The following CSMD1 variants were observed in gnomAD, a reference collection of about 807,000 sequenced individuals.
CSMD1 encodes CUB and sushi domain-containing protein 1.
CSMD1 carries 213 observed loss-of-function variants against 417.5 expected under a neutral mutation model. That is an observed-to-expected ratio of 0.51 (90% confidence interval 0.46 to 0.57). The LOEUF (loss-of-function observed/expected upper bound fraction) is 0.57. Ranked by LOEUF, CSMD1 falls within the 20% of genes least tolerant of loss-of-function variation. The probability of loss-of-function intolerance (pLI) is 0.00; values close to 1 mark genes in which losing one functional copy is unlikely to be tolerated. For synonymous variants in CSMD1, 2,862 were observed against 1,736.8 expected (o/e 1.65, Z -16.11); for missense variants, 6,923 against 4,529.7 (o/e 1.53, Z -15.17).
chr8:4,396,857 A>G (rs1804261333), intron 3 of CSMD1, among the ~76,000 whole-genome samples: 1 of 152,104 alleles, frequency 6.6e-6, no homozygotes, highest in Non-Finnish European at 1.5e-5. Flanking sequence ...TAAGAATGAT[A>G]CAACAACTTT....
intron 8 of CSMD1, among the ~76,000 whole-genome samples, chr8:3,602,197 T>A (rs1801396158): frequency 6.6e-6 from 1 of 152,204 alleles, no homozygotes; most frequent in Admixed American, 6.5e-5. Context: ...AAAATCTTCA[T>A]GACTGGTCCA....
chr8:3,190,413 G>A (rs557570421), intron 33 of CSMD1, among the ~76,000 whole-genome samples: 6 of 152,142 alleles, frequency 3.9e-5, no homozygotes, highest in African/African-American at 1.4e-4. Flanking sequence ...TGAGGAAAAC[G>A]GCATAAAAAG....
chr8:4,170,996 A>C (rs1168371791), intron 3 of CSMD1, among the ~76,000 whole-genome samples: 1 of 151,902 alleles, frequency 6.6e-6, no homozygotes, highest in African/African-American at 2.4e-5. Context: ...GTAAGTTCAC[A>C]CCTTCAGCAT....
At chr8:4,049,103 C>G (rs146171745) in intron 3 of CSMD1, among the ~76,000 whole-genome samples, 1 of 152,136 alleles carries the variant, frequency 6.6e-6, no homozygotes, top group Admixed American at 6.5e-5. Flanking sequence ...CTATCCTGCT[C>G]TCTCCACATT....
intron 1 of CSMD1, among the ~76,000 whole-genome samples, chr8:4,852,208 G>A (rs968482178): frequency 3.9e-5 from 6 of 152,150 alleles, no homozygotes; most frequent in Admixed American, 3.3e-4. Flanking sequence ...TATATGGTTT[G>A]GATATTTGTT....
intron 23 of CSMD1, among the ~76,000 whole-genome samples, chr8:3,329,169 C>A (rs943833193): frequency 6.6e-6 from 1 of 152,066 alleles, no homozygotes; most frequent in Non-Finnish European, 1.5e-5. Flanking sequence ...CCATAGCACT[C>A]AAGAGGGCAT....
intron 4 of CSMD1, among the ~76,000 whole-genome samples, chr8:4,025,693 T>C (rs1315348357): frequency 1.3e-5 from 2 of 152,132 alleles, no homozygotes; most frequent in Non-Finnish European, 2.9e-5. Flanking sequence ...GAATAACGAA[T>C]AGTTGAAAGA....
At chr8:3,914,677 G>C (rs913123191) in intron 5 of CSMD1, among the ~76,000 whole-genome samples, 6 of 152,106 alleles carry the variant, frequency 3.9e-5, no homozygotes, top group African/African-American at 1.4e-4. Flanking sequence ...CATTAAGTCA[G>C]CTTGGTTGTC....
At chr8:4,912,135 A>AAAAAGAAAAAAG (rs1554518067) in intron 1 of CSMD1, among the ~76,000 whole-genome samples, 1,971 of 115,686 alleles carry the variant, frequency 0.017, 77 homozygotes, top group African/African-American at 0.055. Context: ...AAAAAAAAAA[A>AAAAAGAAAAAAG]AAAAAAGAAA....
Position 3,214,703 on chromosome 8 carries a change from A to G in CSMD1, c.4673-12T>C, listed in dbSNP as rs768122622. On this transcript the variant is annotated splice_polypyrimidine_tract_variant and intron_variant, in intron 29 of 69. Coordinates refer to ENST00000635120, the MANE Select transcript of CSMD1 (RefSeq NM_033225.6). ...TTCCCGTGGTTTCTCTGTGGAAGAA[A>G]TGAATGTAAACTGCATGAGAGCAGG... 3.2e-6 allele frequency: 5 copies of G among 1,545,560 alleles called. No homozygotes were observed. Among genetic ancestry groups the G allele is most frequent in the Non-Finnish European group, 4.4e-6 (5 of 1,143,352 alleles).
intron 54 of CSMD1, among the ~76,000 whole-genome samples, chr8:2,984,265 C>T (rs557412379): frequency 3.3e-5 from 5 of 152,158 alleles, no homozygotes; most frequent in Non-Finnish European, 5.9e-5. Flanking sequence ...GACTGGGAGC[C>T]GAGCAAACGC....
chr8:3,190,476 C>A (rs1796348896), intron 33 of CSMD1, among the ~76,000 whole-genome samples: 1 of 152,138 alleles, frequency 6.6e-6, no homozygotes, highest in African/African-American at 2.4e-5. Flanking sequence ...ATTTAATCAT[C>A]CTGCTAGTGA....
At chr8:4,036,838 C>A (rs1797642695) in intron 3 of CSMD1, among the ~76,000 whole-genome samples, 2 of 152,340 alleles carry the variant, frequency 1.3e-5, no homozygotes, top group Non-Finnish European at 2.9e-5. Context: ...AGGGCCACCA[C>A]CTGTTCTTAC....
At chr8:3,469,962 T>A (rs952558782) in intron 11 of CSMD1, among the ~76,000 whole-genome samples, 3 of 152,218 alleles carry the variant, frequency 2.0e-5, no homozygotes, top group Non-Finnish European at 2.9e-5. Flanking sequence ...AAGAGAGATT[T>A]TTTTCTTTCT....
intron 3 of CSMD1, among the ~76,000 whole-genome samples, chr8:4,309,004 G>GA (rs1253846322): frequency 6.6e-6 from 1 of 152,120 alleles, no homozygotes; most frequent in African/African-American, 2.4e-5. Context: ...AACTAGGTGA[G>GA]AAAATGCATA....
At chr8:4,366,569 T>C (rs185652085) in intron 3 of CSMD1, among the ~76,000 whole-genome samples, 25 of 152,334 alleles carry the variant, frequency 1.6e-4, no homozygotes, top group African/African-American at 4.3e-4. Flanking sequence ...TACTTTTTTT[T>C]CTGCAAATTC....
intron 55 of CSMD1, among the ~76,000 whole-genome samples, chr8:2,978,317 C>T (rs1200516084): frequency 1.3e-5 from 2 of 152,144 alleles, no homozygotes; most frequent in African/African-American, 2.4e-5. Flanking sequence ...TAGGCTGAGG[C>T]TGAAGGCAAG....
intron 1 of CSMD1, among the ~76,000 whole-genome samples, chr8:4,749,583 G>C (rs17071189): frequency 0.011 from 1,726 of 152,284 alleles, 44 homozygotes; most frequent in African/African-American, 0.04. Context: ...AAATGTCAAT[G>C]ATCTTGTACA....
At chr8:3,508,563 A>G (rs1796932801) in intron 10 of CSMD1, among the ~76,000 whole-genome samples, 1 of 152,198 alleles carries the variant, frequency 6.6e-6, no homozygotes, top group Non-Finnish European at 1.5e-5. Context: ...CTAAGAATGA[A>G]AAGATTCAGA....
Sources: gnomAD v4.1 joint callset for allele counts (sites outside exome capture counted in the v4.1 genomes callset) on GRCh38, gnomAD v4.1.1 for gene constraint, MANE v1.5 for transcripts, NCBI Gene and HGNC (gene_info 2026-07-23, HGNC 2026-07-21) for gene names.